Variants in SMO observed in about 807,000 individuals in gnomAD.
SMO encodes the protein protein smoothened.
In SMO, 40 loss-of-function variants were observed where a neutral mutation model predicts 81.6. That is an observed-to-expected ratio of 0.49 (90% CI 0.38 to 0.64). The LOEUF (loss-of-function observed/expected upper bound fraction) is 0.64. Ranked by LOEUF, SMO falls within the 30% of genes least tolerant of loss-of-function variation. The pLI is 0.00. For missense variants in SMO, 916 were observed against 1,061.1 expected, an observed-to-expected ratio of 0.86 and a Z score of 1.90; for synonymous variants, 434 against 432.1, an observed-to-expected ratio of 1.00 and a Z score of -0.05.
At position 129,199,051 on chromosome 7, in the gene SMO, AG is replaced by A. The variant is rs372440083; in HGVS notation, c.332-4332del. Among the ~76,000 whole-genome samples, 514 of 152,306 alleles carry A rather than the reference AG, an allele frequency of 3.4e-3. 4 individuals carry two copies. The highest frequency in any genetic ancestry group is 0.012 in the African/African-American group (485 of 41,560). The stretch of plus-strand genomic sequence containing the variant: ...TATCTTTGTGAACATGTGAAGTAGA[AG>A]TACTAGTATAAAATTTTGGTAGATA... On this transcript the variant is annotated intron_variant, in intron 1 of 11. Transcript: ENST00000249373.
chr7:129,195,981 G>A (rs1309338846), intron 1 of SMO, among the ~76,000 whole-genome samples: 2 of 151,550 alleles, frequency 1.3e-5, no homozygotes, highest in Non-Finnish European at 2.9e-5. Context: ...GGCGCCTGTA[G>A]TCCCAGCTAC....
chr7:129,190,600 G>A (rs1041556878), intron 1 of SMO, among the ~76,000 whole-genome samples: 7 of 152,344 alleles, frequency 4.6e-5, no homozygotes, highest in Admixed American at 6.5e-5. Flanking sequence ...TATGTAGGCC[G>A]CCTGTCATTG....
chr7:129,189,987 G>A lies in SMO; in HGVS notation c.331+505G>A, dbSNP rs549509157. On this transcript the variant is annotated intron_variant, in intron 1 of 11. Coordinates refer to ENST00000249373, the MANE Select transcript of SMO (RefSeq NM_005631.5). The surrounding 1 kb of genome is among the most constrained non-coding windows in gnomAD (Gnocchi z 4.7). Reference sequence around the variant, plus strand: ...AAGGAAAAGAAACCTCCCTAGTGATGAATTATTAAAAGGTAACCAGAAAGT... The same window carrying A: ...AAGGAAAAGAAACCTCCCTAGTGATAAATTATTAAAAGGTAACCAGAAAGT... Among the ~76,000 whole-genome samples, 11 of 152,232 alleles carry A rather than the reference G, an allele frequency of 7.2e-5. No homozygotes were observed. The highest frequency in any genetic ancestry group is 5.2e-4 in the Admixed American group (8 of 15,296).
Position 129,211,457 on chromosome 7 carries a change from C to T in SMO, c.1802-179C>T, listed in dbSNP as rs1267072736. 2.5e-5 allele frequency: 19 copies of T among 761,812 alleles called. No homozygotes were observed. Among genetic ancestry groups the T allele is most frequent in the Middle Eastern group, 2.2e-4 (1 of 4,498 alleles). 47.2% of individuals were successfully genotyped at this position (761,812 alleles called of 1,614,324 possible). A position where few individuals can be genotyped will look rare whatever the true frequency, so the allele number is the denominator to read the frequency against. On this transcript the variant is annotated intron_variant, in intron 10 of 11. Transcript: ENST00000249373. The surrounding 1 kb of genome is among the most constrained non-coding windows in gnomAD (Gnocchi z 4.6). The stretch of plus-strand genomic sequence containing the variant: ...GGCCTCCAGTTAGGCCCTTTGGGGA[C>T]GTGAGGCCCTTCTCTTCAGATTCTG...
rs2150652284 is a variant in SMO, at chr7:129,208,802, G to A, written c.1308G>A (p.Leu436=). The A allele has an allele frequency of 6.2e-7, 1 of 1,613,982 alleles. No individual in the cohort carries two copies. The highest frequency in any genetic ancestry group is 8.5e-7 in the Non-Finnish European group (1 of 1,179,930). The change falls in exon 7 of 12, where the codon CTG becomes CTA. Residue 436 remains leucine, a synonymous_variant. Transcript: ENST00000249373. This position sits in a 1 kb window ranked among gnomAD's most constrained non-coding sequence, Gnocchi z 5.2. The stretch of plus-strand genomic sequence containing the variant: ...CCATCAAGAGCAACCACCCCGGGCT[G>A]CTGAGTGAGAAGGCTGCCAGCAAGA... ...LFSIKSNHPG[L]LSEKAASKIN... is the part of the protein sequence containing the mutation.
Position 129,208,706 on chromosome 7 carries a change from C to T in SMO, c.1265-53C>T, listed in dbSNP as rs1178631261. 3.4e-6 allele frequency: 4 copies of T among 1,163,498 alleles called. No homozygotes were observed. The highest frequency in any genetic ancestry group is 5.2e-6 in the Non-Finnish European group (4 of 774,726). 72.1% of individuals were successfully genotyped at this position (1,163,498 alleles called of 1,614,324 possible). A position where few individuals can be genotyped will look rare whatever the true frequency, so the allele number is the denominator to read the frequency against. Reference sequence around the variant, plus strand: ...ACCCTCCTCCCACTCACCCATCCTTCCCAGCAGGGCAGCCTCACCCCTGCT... The same window carrying T: ...ACCCTCCTCCCACTCACCCATCCTTTCCAGCAGGGCAGCCTCACCCCTGCT... On this transcript the variant is annotated intron_variant, in intron 6 of 11. Transcript: ENST00000249373. This position sits in a 1 kb window ranked among gnomAD's most constrained non-coding sequence, Gnocchi z 5.2.
At chr7:129,209,230 C>G (rs1175517725) in intron 7 of SMO, 59 bp from the exon 8 acceptor site, 1 of 1,017,308 alleles carries the variant, frequency 9.8e-7, no homozygotes, top group South Asian at 1.3e-5. Flanking sequence ...CTCTCTCCTC[C>G]CCACTGCTGC....
At chr7:129,205,538 G>A (rs891494903) in intron 3 of SMO, 72 bp from the exon 4 acceptor site, 2 of 1,533,118 alleles carry the variant, frequency 1.3e-6, no homozygotes, top group African/African-American at 1.4e-5. Flanking sequence ...GAAGGGTCTG[G>A]GGCTCAGTTA....
rs777563391 is a variant in SMO at position 129,213,395 on chromosome 7, C to A, written c.*944C>A. The stretch of plus-strand genomic sequence containing the variant: ...GAAAGCTTCCTTCAACCTGCATAGC[C>A]GGTGGGTGAGGAGATTCCCACCTTC... On this transcript the variant is annotated 3_prime_UTR_variant, in exon 12 of 12. Transcript: ENST00000249373. 5 of 233,082 alleles carry A rather than the reference C, an allele frequency of 2.1e-5. No homozygotes were observed. The highest frequency in any genetic ancestry group is 4.2e-5 in the Non-Finnish European group (5 of 117,832). The allele number at this position is 233,082 out of a possible 1,614,324, so 14.4% of individuals were successfully genotyped here.
chr7:129,197,016 CAAAA>C (rs11445153), intron 1 of SMO, among the ~76,000 whole-genome samples: 1 of 113,406 alleles, frequency 8.8e-6, no homozygotes, highest in Non-Finnish European at 1.7e-5. Context: ...GACACCGTCT[CAAAA>C]AAAAAAAAAA....
At chr7:129,194,076 G>A (rs1225579278) in intron 1 of SMO, among the ~76,000 whole-genome samples, 8 of 150,870 alleles carry the variant, frequency 5.3e-5, no homozygotes, top group Non-Finnish European at 1.5e-5. Flanking sequence ...CTCCAGACTG[G>A]GCAACAGAGC....
chr7:129,205,376 C>T lies in SMO; in HGVS notation c.711C>T (p.Phe237=), dbSNP rs146006039. 1.9e-4 allele frequency: 305 copies of T among 1,612,436 alleles called. No individual in the cohort carries two copies. Among genetic ancestry groups the T allele is most frequent in the African/African-American group, 8.9e-4 (67 of 75,004 alleles). ...HQDMHSYIAA[F]GAVTGLCTLF... is the part of the protein sequence containing the mutation. ...ACATGCACAGCTACATCGCGGCCTT[C>T]GGGGCCGTCACGGGCCTCTGCACGC... The change falls in exon 3 of 12, where the codon TTC becomes TTT. Residue 237 remains phenylalanine (F), a synonymous_variant. Coordinates refer to ENST00000249373, the MANE Select transcript of SMO (RefSeq NM_005631.5).
rs1417509598 is a variant in SMO at position 129,206,580 on chromosome 7, C to T, written c.1257C>T (p.Leu419=). 6.2e-7 allele frequency: 1 copy of T among 1,614,152 alleles called. No individual in the cohort carries two copies. The highest frequency in any genetic ancestry group is 1.1e-5 in the South Asian group (1 of 91,068). The part of the protein sequence containing the change: ...GLVLIVGGYF[L]IRGVMTLFSI... Reference sequence around the variant, plus strand: ...TGCTCATCGTGGGAGGCTACTTCCTCATCCGAGGTGAGTGAAGACCAGGCC... The same window carrying T: ...TGCTCATCGTGGGAGGCTACTTCCTTATCCGAGGTGAGTGAAGACCAGGCC... Residue 419 remains leucine (L), a synonymous_variant, in exon 6 of 12, where the codon CTC becomes CTT. Coordinates refer to ENST00000249373, the MANE Select transcript of SMO (RefSeq NM_005631.5). This position sits in a 1 kb window ranked among gnomAD's most constrained non-coding sequence, Gnocchi z 4.4.
chr7:129,193,683 C>T (rs190395985), intron 1 of SMO, among the ~76,000 whole-genome samples: 68 of 137,150 alleles, frequency 5.0e-4, no homozygotes, highest in African/African-American at 1.6e-3. Flanking sequence ...GGCGGGAACC[C>T]GGGAGGCAGA....
chr7:129,205,729 C>T lies in SMO; in HGVS notation c.867C>T (p.Ala289=), dbSNP rs2150649323. The part of the protein sequence containing the change: ...IGWLAQFMDG[A]RREIVCRADG... Reference sequence around the variant, plus strand: ...GGCTGGCCCAGTTCATGGATGGTGCCCGCCGAGAGATCGTCTGCCGTGCAG... The same window carrying T: ...GGCTGGCCCAGTTCATGGATGGTGCTCGCCGAGAGATCGTCTGCCGTGCAG... The change falls in exon 4 of 12, where the codon GCC becomes GCT. Residue 289 remains alanine, a synonymous_variant. Coordinates refer to ENST00000249373, the MANE Select transcript of SMO (RefSeq NM_005631.5). The T allele has an allele frequency of 6.2e-7, 1 of 1,611,622 alleles. No homozygotes were observed. The highest frequency in any genetic ancestry group is 8.5e-7 in the Non-Finnish European group (1 of 1,180,016).
chr7:129,206,283 C>T lies in SMO; in HGVS notation c.1054C>T (p.Pro352Ser), dbSNP rs2150650173. Residue 352 changes from proline (P) to serine (S), a missense_variant, in exon 5 of 12, where the codon CCT (proline) becomes TCT (serine). Physicochemically the swap from Pro to Ser is moderately conservative, Grantham distance 74. This residue lies in a region of SMO where 436 missense variants were observed against 570.9 expected (regional missense o/e 0.76). Coordinates refer to ENST00000249373, the MANE Select transcript of SMO (RefSeq NM_005631.5). The surrounding 1 kb of genome is among the most constrained non-coding windows in gnomAD (Gnocchi z 4.4). The stretch of plus-strand genomic sequence containing the variant: ...CAAAGCCCTGGGCACCACCTACCAG[C>T]CTCTCTCGGGCAAGACCTCCTACTT... ...SFKALGTTYQ[P>S]LSGKTSYFHL... is the part of the protein sequence containing the mutation. 6.2e-7 allele frequency: 1 copy of T among 1,614,236 alleles called. No homozygotes were observed. The highest frequency in any genetic ancestry group is 1.7e-5 in the Admixed American group (1 of 60,028).
intron 1 of SMO, among the ~76,000 whole-genome samples, chr7:129,194,692 C>G (rs1028577142): frequency 2.0e-5 from 3 of 152,140 alleles, no homozygotes; most frequent in Admixed American, 2.0e-4. Context: ...AAATAATATG[C>G]TGTGCATATT....
rs1235363549 is a variant in SMO, at chr7:129,208,868, G to T, written c.1357+17G>T. 6.3e-7 allele frequency: 1 copy of T among 1,593,678 alleles called. No homozygotes were observed. The highest frequency in any genetic ancestry group is 8.6e-7 in the Non-Finnish European group (1 of 1,162,906). ...TGCGCCTGGGTGAGTGGCCCCGGGG[G>T]ACTTCGGTCTGAGGTCCTGGCCAGC... On this transcript the variant is annotated intron_variant, in intron 7 of 11. Coordinates refer to ENST00000249373, the MANE Select transcript of SMO (RefSeq NM_005631.5). This position sits in a 1 kb window ranked among gnomAD's most constrained non-coding sequence, Gnocchi z 5.2.
At chr7:129,191,754 C>T (rs1362548201) in intron 1 of SMO, among the ~76,000 whole-genome samples, 1 of 152,102 alleles carries the variant, frequency 6.6e-6, no homozygotes, top group Non-Finnish European at 1.5e-5. Context: ...TCTAGGTTGT[C>T]TTCATCGGTA....
Sources: gnomAD v4.1 joint callset for allele counts (sites outside exome capture counted in the v4.1 genomes callset) on GRCh38, gnomAD v4.1.1 for gene constraint, gnomAD v4.1.1 regional missense constraint, Gnocchi (gnomAD v3.1) non-coding constraint, MANE v1.5 for transcripts, NCBI Gene and HGNC (gene_info 2026-07-23, HGNC 2026-07-21) for gene names.